CCDC167: variants seen among roughly 807,000 people sequenced by gnomAD.
CCDC167 encodes the protein coiled-coil domain-containing protein 167.
A neutral mutation model predicts 12.7 loss-of-function variants in CCDC167; 15 were observed. The observed-to-expected ratio is 1.18, with a 90% confidence interval of 0.79 to 1.81. CCDC167 has a LOEUF of 1.81. Among genes scored for constraint, CCDC167 ranks in the 40% most tolerant of loss-of-function variants. The pLI is 0.00. For missense variants in CCDC167, 121 were observed against 120.1 expected (o/e 1.01, Z -0.03); for synonymous variants, 52 against 49.0 (o/e 1.06, Z -0.26).
intron 1 of CCDC167, 120 bp downstream of exon 1, chr6:37,499,702 C>T (rs1412226180): frequency 2.6e-6 from 3 of 1,135,096 alleles, no homozygotes; most frequent in Middle Eastern, 1.9e-4. Flanking sequence ...CTCCCCAAAC[C>T]GCGTCGCCCT....
chr6:37,485,111 G>T lies in CCDC167; in HGVS notation c.126C>A (p.Ser42Arg), dbSNP rs770777205. Residue 42 changes from serine (S) to arginine (R), a missense_variant, in exon 2 of 4, where the codon AGC becomes AGA. Coordinates refer to ENST00000373408, the MANE Select transcript of CCDC167 (RefSeq NM_138493.3). ...GGCAGGAGCATTACCTGGCCTCTGG[G>T]CTCAGCTCCCGGCTGTGGAGTCTGG... ...VNSRLHSRELSPEARRSLEKE... is the reference protein window; with the variant it reads ...VNSRLHSRELRPEARRSLEKE... The T allele has an allele frequency of 6.2e-7, 1 of 1,612,352 alleles. No individual in the cohort carries two copies.
chr6:37,492,452 C>T (rs756150087), intron 1 of CCDC167, among the ~76,000 whole-genome samples: 3 of 152,214 alleles, frequency 2.0e-5, no homozygotes, highest in African/African-American at 7.2e-5. Context: ...AGGAGCCCAG[C>T]GTCTGCCCTT....
intron 1 of CCDC167, among the ~76,000 whole-genome samples, chr6:37,493,224 A>G (rs1762046168): frequency 6.6e-6 from 1 of 152,208 alleles, no homozygotes; most frequent in Non-Finnish European, 1.5e-5. Flanking sequence ...ACGGAGGCCG[A>G]GCCAGCCTTG....
At chr6:37,494,580 G>A (rs1762073428) in intron 1 of CCDC167, among the ~76,000 whole-genome samples, 1 of 152,194 alleles carries the variant, frequency 6.6e-6, no homozygotes. Context: ...TCTGGCCAAT[G>A]AGACGTTCCA....
intron 1 of CCDC167, among the ~76,000 whole-genome samples, chr6:37,492,468 G>T (rs1338247573): frequency 6.6e-6 from 1 of 152,190 alleles, no homozygotes; most frequent in African/African-American, 2.4e-5. Flanking sequence ...CCCTTACACT[G>T]GGCCAACTCA....
At chr6:37,495,643 G>T (rs551280926) in intron 1 of CCDC167, among the ~76,000 whole-genome samples, 22 of 152,280 alleles carry the variant, frequency 1.4e-4, no homozygotes, top group Admixed American at 1.2e-3. Flanking sequence ...GAGGCTAGAG[G>T]GTGCCCTGGT....
In CCDC167 at chr6:37,484,786, G is replaced by A. The variant is rs369759450; in HGVS notation, c.190+24C>T. The A allele has an allele frequency of 3.7e-6, 6 of 1,613,938 alleles. No homozygotes were observed. The African/African-American group carries it at 4.0e-5, about 11-fold the overall frequency. On this transcript the variant is annotated intron_variant, in intron 3 of 3. Coordinates refer to ENST00000373408, the MANE Select transcript of CCDC167 (RefSeq NM_138493.3). Reference sequence around the variant, plus strand: ...GTTCTGGGGACTGGAGGCTGGGGCTGGTAACTGAAAGGAACTTTCTTACCG... The same window carrying A: ...GTTCTGGGGACTGGAGGCTGGGGCTAGTAACTGAAAGGAACTTTCTTACCG...
At chr6:37,484,356 C>T (rs1157108863) in intron 3 of CCDC167, among the ~76,000 whole-genome samples, 1 of 152,354 alleles carries the variant, frequency 6.6e-6, no homozygotes, top group South Asian at 2.1e-4. Flanking sequence ...CTGCCTCTGC[C>T]CCCAGCGCCC....
chr6:37,494,151 C>T (rs1042516586), intron 1 of CCDC167, among the ~76,000 whole-genome samples: 1 of 151,178 alleles, frequency 6.6e-6, no homozygotes, highest in Non-Finnish European at 1.5e-5. Context: ...CCGCAACCTC[C>T]ACCTCCCAGG....
chr6:37,483,037 AGGCCTGGGC>A lies in CCDC167; in HGVS notation c.*140_*148del. 1.4e-6 allele frequency: 1 copy of A among 725,646 alleles called. No homozygotes were observed. The highest frequency in any genetic ancestry group is 2.5e-6 in the Non-Finnish European group (1 of 397,052). 45.0% of individuals were successfully genotyped at this position (725,646 alleles called of 1,614,324 possible). A position where few individuals can be genotyped will look rare whatever the true frequency, so the allele number is the denominator to read the frequency against. ...AACCCCCCAGCAGGCCAGGGAGGCA[AGGCCTGGGC>A]CGCCAGGAAGCCATGCTTGAACACT... On this transcript the variant is annotated 3_prime_UTR_variant, in exon 4 of 4. Transcript: ENST00000373408.
chr6:37,498,516 A>T (rs1311286668), intron 1 of CCDC167, among the ~76,000 whole-genome samples: 2 of 42,314 alleles, frequency 4.7e-5, no homozygotes, highest in East Asian at 9.0e-4. Flanking sequence ...TGTGGCTTGT[A>T]AAAAAAAAAA....
chr6:37,486,117 C>T (rs1221422095), intron 1 of CCDC167, among the ~76,000 whole-genome samples: 1 of 152,164 alleles, frequency 6.6e-6, no homozygotes, highest in African/African-American at 2.4e-5. Context: ...TGTGACCCTC[C>T]CAGCAGCTGA....
chr6:37,492,662 G>A (rs1301915552), intron 1 of CCDC167, among the ~76,000 whole-genome samples: 3 of 152,224 alleles, frequency 2.0e-5, no homozygotes, highest in East Asian at 3.8e-4. Flanking sequence ...TTCACAGCCT[G>A]GAGAGTGGTG....
At chr6:37,491,849 G>A (rs1428941967) in intron 1 of CCDC167, among the ~76,000 whole-genome samples, 1 of 152,232 alleles carries the variant, frequency 6.6e-6, no homozygotes, top group Non-Finnish European at 1.5e-5. Context: ...ACATTTGACA[G>A]ATGAGGGGAC....
chr6:37,491,049 G>A (rs558170663), intron 1 of CCDC167, among the ~76,000 whole-genome samples: 1 of 152,310 alleles, frequency 6.6e-6, no homozygotes, highest in Non-Finnish European at 1.5e-5. Flanking sequence ...ATCCCCGCGA[G>A]GCATCTTTTC....
intron 1 of CCDC167, among the ~76,000 whole-genome samples, chr6:37,487,369 G>A (rs1220068958): frequency 6.6e-6 from 1 of 152,220 alleles, no homozygotes; most frequent in Non-Finnish European, 1.5e-5. Context: ...TTGAGCTTGG[G>A]TGGGACTGAG....
At chr6:37,497,083 T>A (rs1762105574) in intron 1 of CCDC167, among the ~76,000 whole-genome samples, 1 of 152,070 alleles carries the variant, frequency 6.6e-6, no homozygotes, top group Non-Finnish European at 1.5e-5. Context: ...AGTTGGCAAC[T>A]AAGCCCTGTG....
At chr6:37,498,456 A>G (rs12211110) in intron 1 of CCDC167, among the ~76,000 whole-genome samples, 60,706 of 151,636 alleles carry the variant, frequency 0.4, 15,057 homozygotes, top group Middle Eastern at 0.6. Flanking sequence ...AAGTGGGCCA[A>G]TATTTCTCAA....
chr6:37,490,766 C>T (rs957405015), intron 1 of CCDC167, among the ~76,000 whole-genome samples: 1 of 152,164 alleles, frequency 6.6e-6, no homozygotes, highest in African/African-American at 2.4e-5. Flanking sequence ...GGCCGTCAAT[C>T]CTGCTGGCAG....
Sources: allele counts gnomAD v4.1 joint callset (sites outside exome capture counted in the v4.1 genomes callset), GRCh38; gene constraint gnomAD v4.1.1; transcripts MANE v1.5; gene names NCBI Gene and HGNC (gene_info 2026-07-23, HGNC 2026-07-21).